Variants in RFTN1 observed in about 807,000 individuals in gnomAD.
RFTN1 encodes the protein raftlin, lipid raft linker 1, also known as raftlin.
In RFTN1, 26 loss-of-function variants were observed where a neutral mutation model predicts 46.5. The ratio of observed to expected loss-of-function variants is 0.56; its 90% CI spans 0.41 to 0.78. The LOEUF (loss-of-function observed/expected upper bound fraction) is 0.78, where lower values mean the gene tolerates loss of function less well. Among genes scored for constraint, RFTN1 ranks in the 30% least tolerant of loss-of-function variants. The probability of loss-of-function intolerance (pLI) is 0.00; values close to 1 mark genes in which losing one functional copy is unlikely to be tolerated. For missense variants in RFTN1, 693 were observed against 718.7 expected, an observed-to-expected ratio of 0.96 and a Z score of 0.41; for synonymous variants, 261 against 284.2, an observed-to-expected ratio of 0.92 and a Z score of 0.82.
At position 16,376,243 on chromosome 3, in the gene RFTN1, C is replaced by T. The variant is rs184015975; in HGVS notation, c.826+1475G>A. 1.4e-4 allele frequency among the ~76,000 whole-genome samples: 21 copies of T among 152,268 alleles called. No individual in the cohort carries two copies. In the East Asian group the frequency reaches 3.9e-3, roughly 28 times the overall value. ...AGTGCCGAGTGCTTTAAATGTACAA[C>T]TTTAACCTTTCCATGAGAAACTATC... On this transcript the variant is annotated intron_variant, in intron 5 of 9. Coordinates refer to ENST00000334133, the MANE Select transcript of RFTN1 (RefSeq NM_015150.2). The surrounding 1 kb of genome is among the most constrained non-coding windows in gnomAD (Gnocchi z 4.7).
intron 4 of RFTN1, among the ~76,000 whole-genome samples, chr3:16,401,209 G>A (rs1385644184): frequency 6.6e-6 from 1 of 151,984 alleles, no homozygotes; most frequent in Non-Finnish European, 1.5e-5. Context: ...TGTAATCCCA[G>A]CTACTTGGGA....
chr3:16,354,634 T>C (rs2072312342), intron 7 of RFTN1, among the ~76,000 whole-genome samples: 1 of 152,228 alleles, frequency 6.6e-6, no homozygotes, highest in South Asian at 2.1e-4. Flanking sequence ...CCAGCACCAA[T>C]CTCCCTATCA....
At chr3:16,414,276 C>G (rs552179785) in intron 3 of RFTN1, among the ~76,000 whole-genome samples, 2 of 150,282 alleles carry the variant, frequency 1.3e-5, no homozygotes, top group African/African-American at 4.9e-5. Context: ...ACAGAGTATG[C>G]CCAATGGTGG....
chr3:16,336,486 G>T lies in RFTN1; in HGVS notation c.1147-9610C>A, dbSNP rs1240945900. On this transcript the variant is annotated intron_variant, in intron 7 of 9. Transcript: ENST00000334133. The surrounding 1 kb of genome is among the most constrained non-coding windows in gnomAD (Gnocchi z 6.0). ...CTCACCCTCAGCCTCCCAGGCCTCT[G>T]CGGGAGGGAGGGACAGGCACGCTGG... Among the ~76,000 whole-genome samples the T allele has an allele frequency of 2.0e-5, 3 of 152,206 alleles. No individual in the cohort carries two copies. Among genetic ancestry groups the T allele is most frequent in the African/African-American group, 7.2e-5 (3 of 41,452 alleles).
Position 16,438,740 on chromosome 3 carries a change from T to G in RFTN1, c.146-4703A>C, listed in dbSNP as rs576268650. ...CAACCTGTCTTCCATCATAGCGTCATTGTGAGGATCACGTGGGATGATGTG... is the reference window on the plus strand; with the variant it reads ...CAACCTGTCTTCCATCATAGCGTCAGTGTGAGGATCACGTGGGATGATGTG... On this transcript the variant is annotated intron_variant, in intron 2 of 9. Transcript: ENST00000334133. 2.7e-4 allele frequency among the ~76,000 whole-genome samples: 41 copies of G among 152,256 alleles called. No individual in the cohort carries two copies. In the South Asian group the frequency reaches 4.8e-3, roughly 18 times the overall value.
intron 2 of RFTN1, among the ~76,000 whole-genome samples, chr3:16,490,610 T>C (rs1489031374): frequency 6.6e-6 from 1 of 152,224 alleles, no homozygotes; most frequent in Non-Finnish European, 1.5e-5. Context: ...AACTGGGCAA[T>C]TTATCAAGAG....
chr3:16,343,376 T>C lies in RFTN1; in HGVS notation c.1146+14556A>G, dbSNP rs887681094. ...TTTCCCTTACAATCAACAAAAACAGTCTACTTCCTTCCTCATAAGTCAGCC... is the reference window on the plus strand; with the variant it reads ...TTTCCCTTACAATCAACAAAAACAGCCTACTTCCTTCCTCATAAGTCAGCC... On this transcript the variant is annotated intron_variant, in intron 7 of 9. Coordinates refer to ENST00000334133, the MANE Select transcript of RFTN1 (RefSeq NM_015150.2). Among the ~76,000 whole-genome samples the C allele has an allele frequency of 9.9e-5, 15 of 152,212 alleles. 1 individual carries two copies. Among genetic ancestry groups the C allele is most frequent in the Admixed American group, 3.3e-4 (5 of 15,284 alleles).
intron 2 of RFTN1, among the ~76,000 whole-genome samples, chr3:16,454,389 T>TAGGAATGC (rs1234044237): frequency 3.9e-5 from 6 of 152,100 alleles, no homozygotes; most frequent in African/African-American, 1.2e-4. Context: ...GTGTTTACAT[T>TAGGAATGC]AGGAATGCAG....
chr3:16,489,859 G>T lies in RFTN1; in HGVS notation c.145+3866C>A, dbSNP rs2076511361. ...GGAGGCAGAGGTTGCAGTGAGCTGAGATCACAACATTGCACTCCAGCCTAG... is the reference window on the plus strand; with the variant it reads ...GGAGGCAGAGGTTGCAGTGAGCTGATATCACAACATTGCACTCCAGCCTAG... On this transcript the variant is annotated intron_variant, in intron 2 of 9. Transcript: ENST00000334133. This position sits in a 1 kb window ranked among gnomAD's most constrained non-coding sequence, Gnocchi z 4.0. 6.6e-6 allele frequency among the ~76,000 whole-genome samples: 1 copy of T among 152,032 alleles called. No homozygotes were observed. Among genetic ancestry groups the T allele is most frequent in the Non-Finnish European group, 1.5e-5 (1 of 68,018 alleles).
In RFTN1 at chr3:16,348,814, C is replaced by T. The variant is rs73142395; in HGVS notation, c.1146+9118G>A. Reference sequence around the variant, plus strand: ...TCATGGATTAAGTCCAGCCCACCTGCCCCACTGGGAAGCAGGAGGACTGGT... The same window carrying T: ...TCATGGATTAAGTCCAGCCCACCTGTCCCACTGGGAAGCAGGAGGACTGGT... On this transcript the variant is annotated intron_variant, in intron 7 of 9. Coordinates refer to ENST00000334133, the MANE Select transcript of RFTN1 (RefSeq NM_015150.2). The surrounding 1 kb of genome is among the most constrained non-coding windows in gnomAD (Gnocchi z 6.3). Among the ~76,000 whole-genome samples the T allele has an allele frequency of 0.039, 6,008 of 152,272 alleles. 368 individuals are homozygous for T. Among genetic ancestry groups the T allele is most frequent in the African/African-American group, 0.14 (5,631 of 41,518 alleles).
Position 16,428,890 on chromosome 3 carries a change from G to C in RFTN1, c.332+4961C>G, listed in dbSNP as rs2075334546. The stretch of plus-strand genomic sequence containing the variant: ...CAAGATCTTTAGCAACTCATTCTAA[G>C]GAAAACTACTTGAAAAAAATGAAGG... On this transcript the variant is annotated intron_variant, in intron 3 of 9. Coordinates refer to ENST00000334133, the MANE Select transcript of RFTN1 (RefSeq NM_015150.2). The surrounding 1 kb of genome is among the most constrained non-coding windows in gnomAD (Gnocchi z 4.7). Among the ~76,000 whole-genome samples, 1 of 152,070 alleles carries C rather than the reference G, an allele frequency of 6.6e-6. No individual in the cohort carries two copies. The highest frequency in any genetic ancestry group is 2.1e-4 in the South Asian group (1 of 4,828).
Position 16,408,358 on chromosome 3 carries a change from C to G in RFTN1, c.441+1017G>C, listed in dbSNP as rs917828409. Among the ~76,000 whole-genome samples the G allele has an allele frequency of 3.3e-5, 5 of 152,296 alleles. 1 individual carries two copies. Among genetic ancestry groups the G allele is most frequent in the Admixed American group, 1.3e-4 (2 of 15,300 alleles). On this transcript the variant is annotated intron_variant, in intron 4 of 9. Coordinates refer to ENST00000334133, the MANE Select transcript of RFTN1 (RefSeq NM_015150.2). Reference sequence around the variant, plus strand: ...TGTTTTATTCTCTGTATCCCAGCATCTAGTACATTCCTGGCTCAAAGCTGA... The same window carrying G: ...TGTTTTATTCTCTGTATCCCAGCATGTAGTACATTCCTGGCTCAAAGCTGA...
At chr3:16,378,486 TC>T (rs2073869613) in intron 4 of RFTN1, among the ~76,000 whole-genome samples, 1 of 152,200 alleles carries the variant, frequency 6.6e-6, no homozygotes. Flanking sequence ...TCACTTTTTT[TC>T]GGACGAATCA....
chr3:16,434,398 A>AAAAAC (rs199822495), intron 2 of RFTN1, among the ~76,000 whole-genome samples: 16 of 113,842 alleles, frequency 1.4e-4, no homozygotes, highest in Admixed American at 3.9e-4. Flanking sequence ...ACAAACAAAA[A>AAAAAC]CAAAAAAACC....
chr3:16,372,122 T>C (rs991593699), intron 5 of RFTN1, among the ~76,000 whole-genome samples: 1 of 152,184 alleles, frequency 6.6e-6, no homozygotes, highest in Non-Finnish European at 1.5e-5. Flanking sequence ...CCTGCAAGCT[T>C]TCCTGTGCAA....
intron 3 of RFTN1, among the ~76,000 whole-genome samples, chr3:16,414,307 A>AAAAG (rs992187443): frequency 2.0e-5 from 3 of 151,722 alleles, no homozygotes; most frequent in African/African-American, 7.3e-5. Context: ...AAAAAAAAAA[A>AAAAG]AAAGAAAGAA....
rs1478791784 is a variant in RFTN1, at chr3:16,352,593, T to C, written c.1146+5339A>G. Among the ~76,000 whole-genome samples the C allele has an allele frequency of 3.3e-5, 5 of 152,190 alleles. No homozygotes were observed. The highest frequency in any genetic ancestry group is 1.2e-4 in the African/African-American group (5 of 41,454). On this transcript the variant is annotated intron_variant, in intron 7 of 9. Coordinates refer to ENST00000334133, the MANE Select transcript of RFTN1 (RefSeq NM_015150.2). The surrounding 1 kb of genome is among the most constrained non-coding windows in gnomAD (Gnocchi z 4.6). Reference sequence around the variant, plus strand: ...TTTGTATTTGACTCTACAGGTTCCCTAGCCCAACCTCCTCTGTGCTTTTAG... The same window carrying C: ...TTTGTATTTGACTCTACAGGTTCCCCAGCCCAACCTCCTCTGTGCTTTTAG...
intron 6 of RFTN1, among the ~76,000 whole-genome samples, chr3:16,367,767 AGGCTAAC>A (rs1377596161): frequency 6.6e-6 from 1 of 152,182 alleles, no homozygotes; most frequent in African/African-American, 2.4e-5. Context: ...GAAGTAGAGG[AGGCTAAC>A]TCAGCCTTGA....
chr3:16,363,257 T>C (rs940023176), intron 6 of RFTN1, among the ~76,000 whole-genome samples: 6 of 151,954 alleles, frequency 3.9e-5, no homozygotes, highest in African/African-American at 9.7e-5. Context: ...AGCCTCACTA[T>C]AATGTGCACT....
Sources: allele counts gnomAD v4.1 joint callset (sites outside exome capture counted in the v4.1 genomes callset), GRCh38; gene constraint gnomAD v4.1.1; non-coding constraint Gnocchi (gnomAD v3.1); transcripts MANE v1.5; gene names NCBI Gene and HGNC (gene_info 2026-07-23, HGNC 2026-07-21).